RANBP10: variants seen among roughly 807,000 people sequenced by gnomAD.
RANBP10 encodes the protein ran-binding protein 10.
In RANBP10, 24 loss-of-function variants were observed where a neutral mutation model predicts 72.8. That is an observed-to-expected ratio of 0.33 (90% CI 0.24 to 0.46). RANBP10 has a LOEUF of 0.46. RANBP10 is among the 20% of genes least tolerant of loss of function. The pLI, the probability that RANBP10 is intolerant of heterozygous loss-of-function variation, is 1.00. For missense variants in RANBP10, 679 were observed against 817.5 expected, an observed-to-expected ratio of 0.83 and a Z score of 2.07; for synonymous variants, 310 against 322.3, an observed-to-expected ratio of 0.96 and a Z score of 0.41.
chr16:67,727,217 C>G, intron 13 of RANBP10, 110 bp downstream of exon 13: 1 of 1,096,492 alleles, frequency 9.1e-7, no homozygotes, highest in Non-Finnish European at 1.3e-6. Flanking sequence ...TGCTTAAACC[C>G]AGGAGGCAGA....
Position 67,730,013 on chromosome 16 carries a change from C to T in RANBP10, c.923G>A (p.Gly308Asp). Residue 308 changes from glycine to aspartate, a missense_variant, in exon 8 of 14, where the codon GGC becomes GAC. Coordinates refer to ENST00000317506, the MANE Select transcript of RANBP10 (RefSeq NM_020850.3). This position sits in a 1 kb window ranked among gnomAD's most constrained non-coding sequence, Gnocchi z 4.3. The part of the protein sequence containing the change: ...IQKLVLEGRV[G>D]EAIETTQRFY... ...GCGCTGGGTGGTCTCGATGGCCTCG[C>T]CCACACGGCCCTCCAGCACCAGCTT... 1 of 1,613,200 alleles carries T rather than the reference C, an allele frequency of 6.2e-7. No homozygotes were observed. The highest frequency in any genetic ancestry group is 8.5e-7 in the Non-Finnish European group (1 of 1,180,002).
rs751353163 is a variant in RANBP10 at position 67,805,503 on chromosome 16, C to A, written c.272G>T (p.Arg91Leu). 2.5e-6 allele frequency: 4 copies of A among 1,614,118 alleles called. No homozygotes were observed. Among genetic ancestry groups the A allele is most frequent in the Non-Finnish European group, 8.5e-7 (1 of 1,180,020 alleles). Residue 91 changes from arginine to leucine, a missense_variant, in exon 2 of 14, where the codon CGT becomes CTT. Transcript: ENST00000317506. ...GGCAGCAGGTATGGGGTGGGTGGCA[C>A]GCACTGAGGCCGCATCTTTGTGATT... is the stretch of plus-strand genomic sequence containing the variant. ...GKNHKDAASV[R>L]ATHPIPAACG...
At chr16:67,763,088 C>T (rs1180859200) in intron 3 of RANBP10, among the ~76,000 whole-genome samples, 1 of 152,122 alleles carries the variant, frequency 6.6e-6, no homozygotes, top group African/African-American at 2.4e-5. Context: ...TGGTGTGTGG[C>T]ATGTGCAGAG....
At chr16:67,741,150 G>A (rs2053962080) in intron 4 of RANBP10, among the ~76,000 whole-genome samples, 1 of 152,198 alleles carries the variant, frequency 6.6e-6, no homozygotes, top group South Asian at 2.1e-4. Context: ...GGGAGAAAAT[G>A]AGACATTCTG....
chr16:67,774,621 C>A (rs1275736142), intron 2 of RANBP10, among the ~76,000 whole-genome samples: 3 of 152,114 alleles, frequency 2.0e-5, no homozygotes, highest in African/African-American at 7.2e-5. Flanking sequence ...AAGCTGACAC[C>A]CACATTTGGG....
Position 67,730,864 on chromosome 16 carries a change from C to G in RANBP10, c.889+608G>C, listed in dbSNP as rs2053716788. Among the ~76,000 whole-genome samples, 1 of 152,174 alleles carries G rather than the reference C, an allele frequency of 6.6e-6. No homozygotes were observed. Among genetic ancestry groups the G allele is most frequent in the Non-Finnish European group, 1.5e-5 (1 of 68,036 alleles). ...CTCCTTTTCTCCTTCTAGCTCCTCA[C>G]TGGGCTCCTTTTCCTCTTTTCCAAC... On this transcript the variant is annotated intron_variant, in intron 7 of 13. Coordinates refer to ENST00000317506, the MANE Select transcript of RANBP10 (RefSeq NM_020850.3). This position sits in a 1 kb window ranked among gnomAD's most constrained non-coding sequence, Gnocchi z 4.3.
chr16:67,749,412 T>C (rs1567686746), intron 3 of RANBP10, among the ~76,000 whole-genome samples: 1 of 152,224 alleles, frequency 6.6e-6, no homozygotes, highest in Non-Finnish European at 1.5e-5. Context: ...TGGTGCCTCC[T>C]GCATCTCCCC....
intron 2 of RANBP10, among the ~76,000 whole-genome samples, chr16:67,802,060 A>T (rs2055243826): frequency 1.3e-5 from 2 of 150,136 alleles, no homozygotes; most frequent in East Asian, 2.0e-4. Context: ...ATGCCATTGC[A>T]CTCCAGCCTG....
intron 3 of RANBP10, among the ~76,000 whole-genome samples, chr16:67,749,425 C>T (rs770722747): frequency 4.6e-5 from 7 of 152,292 alleles, no homozygotes; most frequent in South Asian, 2.1e-4. Flanking sequence ...ATCTCCCCAC[C>T]GCCATCACCA....
At position 67,806,552 on chromosome 16, in the gene RANBP10, T is replaced by A. The variant is rs1178403171; in HGVS notation, c.-16A>T. On this transcript the variant is annotated 5_prime_UTR_variant, in exon 1 of 14. Coordinates refer to ENST00000317506, the MANE Select transcript of RANBP10 (RefSeq NM_020850.3). ...CTGCCGCCATCTTGGAGGGAGCTAC[T>A]ATTGTGTCACTGGGGGCGGGGAGGA... 2.0e-6 allele frequency: 3 copies of A among 1,471,086 alleles called. No homozygotes were observed. Among genetic ancestry groups the A allele is most frequent in the Non-Finnish European group, 2.7e-6 (3 of 1,119,100 alleles). The allele number at this position is 1,471,086 out of a possible 1,614,324, so 91.1% of individuals were successfully genotyped here.
chr16:67,778,264 G>A (rs1042417972), intron 2 of RANBP10, among the ~76,000 whole-genome samples: 2 of 152,182 alleles, frequency 1.3e-5, no homozygotes, highest in Admixed American at 6.6e-5. Context: ...CAGGAGAATC[G>A]CTTGAACCCA....
At chr16:67,769,105 T>C (rs983369252) in intron 3 of RANBP10, among the ~76,000 whole-genome samples, 1 of 152,204 alleles carries the variant, frequency 6.6e-6, no homozygotes, top group African/African-American at 2.4e-5. Flanking sequence ...CTTTATATTT[T>C]TAATTTCCCA....
At position 67,767,454 on chromosome 16, in the gene RANBP10, CAAAAAAA is replaced by C. The variant is rs1178049394; in HGVS notation, c.400+4573_400+4579del. Among the ~76,000 whole-genome samples the C allele has an allele frequency of 3.1e-4, 20 of 64,068 alleles. No homozygotes were observed. In the East Asian group the frequency reaches 5.4e-3, roughly 17 times the overall value. 42.0% of individuals were successfully genotyped at this position (64,068 alleles called of 152,430 possible). On this transcript the variant is annotated intron_variant, in intron 3 of 13. Transcript: ENST00000317506. ...GCTGGGCAACAGCGAGACCCTGTTTCAAAAAAAAAAAAAAAAAAAAAAAAAAGCCAGG... is the reference window on the plus strand; with the variant it reads ...GCTGGGCAACAGCGAGACCCTGTTTCAAAAAAAAAAAAAAAAAAAGCCAGG...
chr16:67,738,851 C>G (rs764560573), intron 4 of RANBP10: 1 of 152,216 alleles, frequency 6.6e-6, no homozygotes, highest in African/African-American at 2.4e-5. Context: ...CTCCTCCACC[C>G]GCAAAGAAAG....
chr16:67,754,016 C>T (rs1242825560), intron 3 of RANBP10, among the ~76,000 whole-genome samples: 2 of 151,782 alleles, frequency 1.3e-5, no homozygotes, highest in African/African-American at 2.4e-5. Flanking sequence ...CACCTGTAGT[C>T]CCAGTTACTC....
At chr16:67,749,785 C>T (rs1468404419) in intron 3 of RANBP10, among the ~76,000 whole-genome samples, 2 of 152,174 alleles carry the variant, frequency 1.3e-5, no homozygotes, top group African/African-American at 2.4e-5. Context: ...CTGATGGCAG[C>T]GGCTGTTCCC....
rs780987677 is a variant in RANBP10 at position 67,730,079 on chromosome 16, G to A, written c.890-33C>T. ...GTGCAAGAACACAGCAGTGAGCGAG[G>A]GCTACAGGCCTCTCCCACAGCCACA... On this transcript the variant is annotated intron_variant, in intron 7 of 13. Transcript: ENST00000317506. This position sits in a 1 kb window ranked among gnomAD's most constrained non-coding sequence, Gnocchi z 4.3. 1.9e-6 allele frequency: 3 copies of A among 1,592,658 alleles called. No individual in the cohort carries two copies. The highest frequency in any genetic ancestry group is 2.7e-5 in the African/African-American group (2 of 74,668).
Position 67,805,638 on chromosome 16 carries a change from T to A in RANBP10, c.236-99A>T, listed in dbSNP as rs2055375192. ...CCTCCATGACAACTCCACTCCTCTGTGGCCAGAGGACGCACTTACACAGGC... is the reference window on the plus strand; with the variant it reads ...CCTCCATGACAACTCCACTCCTCTGAGGCCAGAGGACGCACTTACACAGGC... On this transcript the variant is annotated intron_variant, in intron 1 of 13. Coordinates refer to ENST00000317506, the MANE Select transcript of RANBP10 (RefSeq NM_020850.3). 4.2e-6 allele frequency: 4 copies of A among 944,910 alleles called. No individual in the cohort carries two copies. The Admixed American group carries it at 8.6e-5, about 20-fold the overall frequency. 58.5% of individuals were successfully genotyped at this position (944,910 alleles called of 1,614,324 possible).
At chr16:67,748,768 T>G (rs2054139390) in intron 3 of RANBP10, among the ~76,000 whole-genome samples, 1 of 152,056 alleles carries the variant, frequency 6.6e-6, no homozygotes, top group African/African-American at 2.4e-5. Flanking sequence ...AGGGTTCGAC[T>G]GCCTGGCTAA....
Sources: gnomAD v4.1 joint callset for allele counts (sites outside exome capture counted in the v4.1 genomes callset) on GRCh38, gnomAD v4.1.1 for gene constraint, Gnocchi (gnomAD v3.1) non-coding constraint, MANE v1.5 for transcripts, NCBI Gene and HGNC (gene_info 2026-07-23, HGNC 2026-07-21) for gene names.